The following HPGDS variants were observed in gnomAD, a reference collection of about 807,000 sequenced individuals.
HPGDS encodes GST class-sigma.
In HPGDS, 26 loss-of-function variants were observed where a neutral mutation model predicts 23.1. The observed-to-expected ratio is 1.13, with a 90% confidence interval of 0.83 to 1.56. The LOEUF is 1.56. HPGDS is among the 40% of genes most tolerant of loss of function. HPGDS has a pLI of 0.00. For missense variants in HPGDS, 268 were observed against 236.4 expected (o/e 1.13, Z -0.88); for synonymous variants, 95 against 77.9 (o/e 1.22, Z -1.16).
At chr4:94,320,660 T>C (rs1756487320) in intron 2 of HPGDS, among the ~76,000 whole-genome samples, 1 of 152,230 alleles carries the variant, frequency 6.6e-6, no homozygotes, top group Non-Finnish European at 1.5e-5. Context: ...TTCTGGATAT[T>C]AGCCATTTGT....
In HPGDS at chr4:94,298,879, C is replaced by T. The variant is rs1755977056; in HGVS notation, c.*601G>A. The stretch of plus-strand genomic sequence containing the variant: ...TTTTGTTCCTTTGCTGCACTTTCAT[C>T]TTTGTTGGGGAGTTCCCTCTTTTGA... On this transcript the variant is annotated 3_prime_UTR_variant, in exon 6 of 6. Transcript: ENST00000295256. 6.6e-6 allele frequency: 1 copy of T among 152,134 alleles called. No individual in the cohort carries two copies. Among genetic ancestry groups the T allele is most frequent in the African/African-American group, 2.4e-5 (1 of 41,438 alleles). 9.4% of individuals were successfully genotyped at this position (152,134 alleles called of 1,614,324 possible).
chr4:94,321,325 T>C (rs1756504689), intron 2 of HPGDS, among the ~76,000 whole-genome samples: 1 of 152,228 alleles, frequency 6.6e-6, no homozygotes, highest in Non-Finnish European at 1.5e-5. Context: ...TGGCTGGGGA[T>C]GGCATTGAAT....
chr4:94,335,873 GA>G (rs1720998055), intron 1 of HPGDS, among the ~76,000 whole-genome samples: 1 of 152,030 alleles, frequency 6.6e-6, no homozygotes, highest in African/African-American at 2.4e-5. Flanking sequence ...AGATAAAAGG[GA>G]AAGTTGGGCT....
intron 4 of HPGDS, among the ~76,000 whole-genome samples, chr4:94,307,923 G>T (rs1756169106): frequency 6.6e-6 from 1 of 152,152 alleles, no homozygotes; most frequent in African/African-American, 2.4e-5. Flanking sequence ...AATATTGGGA[G>T]CTTGGTGAAA....
chr4:94,300,053 C>T (rs1756003795), intron 5 of HPGDS, among the ~76,000 whole-genome samples: 1 of 152,146 alleles, frequency 6.6e-6, no homozygotes, highest in Admixed American at 6.5e-5. Flanking sequence ...ATTTGATCTG[C>T]TTATGTCCAT....
At chr4:94,322,148 T>C (rs141950501) in intron 2 of HPGDS, among the ~76,000 whole-genome samples, 3,779 of 152,250 alleles carry the variant, frequency 0.025, 106 homozygotes, top group African/African-American at 0.075. Context: ...TTTTGATGTG[T>C]TGCTGGATTC....
chr4:94,341,265 T>C (rs960742588), intron 1 of HPGDS, among the ~76,000 whole-genome samples: 2 of 152,184 alleles, frequency 1.3e-5, no homozygotes, highest in African/African-American at 4.8e-5. Context: ...AACATAATCA[T>C]TGAAAAAATT....
chr4:94,315,400 C>T (rs1756376220), intron 3 of HPGDS, among the ~76,000 whole-genome samples: 1 of 152,126 alleles, frequency 6.6e-6, no homozygotes, highest in South Asian at 2.1e-4. Context: ...TATTTTGTAT[C>T]AAGAATTATT....
At chr4:94,310,098 G>A (rs924847574) in intron 3 of HPGDS, among the ~76,000 whole-genome samples, 13 of 152,118 alleles carry the variant, frequency 8.5e-5, no homozygotes, top group African/African-American at 3.1e-4. Context: ...CACTCTGATG[G>A]TAGTTTCTTT....
At chr4:94,318,208 G>A (rs932078637) in intron 2 of HPGDS, among the ~76,000 whole-genome samples, 3 of 152,102 alleles carry the variant, frequency 2.0e-5, no homozygotes, top group African/African-American at 7.2e-5. Flanking sequence ...CAGGTTTATA[G>A]TGACACCATA....
chr4:94,313,651 G>A lies in HPGDS; in HGVS notation c.226+4222C>T, dbSNP rs372434313. On this transcript the variant is annotated intron_variant, in intron 3 of 5. Coordinates refer to ENST00000295256, the MANE Select transcript of HPGDS (RefSeq NM_014485.3). Reference sequence around the variant, plus strand: ...TCTTCTCGAGGAGTATCTTTGTGGCGTTCTCTGTATTTCCTGAATTTGAAT... The same window carrying A: ...TCTTCTCGAGGAGTATCTTTGTGGCATTCTCTGTATTTCCTGAATTTGAAT... 3.2e-3 allele frequency among the ~76,000 whole-genome samples: 477 copies of A among 151,414 alleles called. 4 individuals are homozygous for A. Among genetic ancestry groups the A allele is most frequent in the African/African-American group, 0.011 (438 of 41,150 alleles).
intron 5 of HPGDS, 107 bp from the exon 6 acceptor site, chr4:94,299,751 G>A (rs532741447): frequency 3.9e-6 from 4 of 1,037,802 alleles, no homozygotes; most frequent in African/African-American, 1.6e-5. Flanking sequence ...AAACAATCTT[G>A]TTATTACAAA....
rs566724909 is a variant in HPGDS at position 94,317,576 on chromosome 4, A to G, written c.226+297T>C. On this transcript the variant is annotated intron_variant, in intron 3 of 5. Coordinates refer to ENST00000295256, the MANE Select transcript of HPGDS (RefSeq NM_014485.3). Reference sequence around the variant, plus strand: ...TAACTTACCATATGCAAACTAGCCAAAGTTTGGAATGAAACATCCCTGTCC... The same window carrying G: ...TAACTTACCATATGCAAACTAGCCAGAGTTTGGAATGAAACATCCCTGTCC... 2.6e-5 allele frequency among the ~76,000 whole-genome samples: 4 copies of G among 152,292 alleles called. 1 individual carries two copies. In the South Asian group the frequency reaches 8.3e-4, roughly 32 times the overall value.
At chr4:94,313,980 C>A (rs1212988027) in intron 3 of HPGDS, among the ~76,000 whole-genome samples, 2 of 152,206 alleles carry the variant, frequency 1.3e-5, no homozygotes, top group Admixed American at 6.5e-5. Flanking sequence ...CCATGGTTTT[C>A]AGCTCCATCA....
Position 94,317,943 on chromosome 4 carries a change from G to T in HPGDS, c.156C>A (p.Pro52=). Residue 52 remains proline, a synonymous_variant, in exon 3 of 6, where the codon CCC becomes CCA. Coordinates refer to ENST00000295256, the MANE Select transcript of HPGDS (RefSeq NM_014485.3). ...GAGTAAGTCCATCAACTTCCAAAAT[G>T]GGGATTTTTCCAAATGGGAGAGCTT... ...IKSTLPFGKI[P]ILEVDGLTLH... is the part of the protein sequence containing the mutation. 1.2e-6 allele frequency: 2 copies of T among 1,610,454 alleles called. No individual in the cohort carries two copies. The highest frequency in any genetic ancestry group is 8.5e-7 in the Non-Finnish European group (1 of 1,177,952).
intron 2 of HPGDS, among the ~76,000 whole-genome samples, chr4:94,318,722 A>T (rs982961812): frequency 2.6e-5 from 4 of 151,956 alleles, no homozygotes; most frequent in Non-Finnish European, 2.9e-5. Context: ...GATTAAAAAA[A>T]TTTTTTTTGA....
At chr4:94,334,686 G>C in intron 1 of HPGDS, 48 bp from the exon 2 acceptor site, 1 of 1,510,190 alleles carries the variant, frequency 6.6e-7, no homozygotes, top group East Asian at 2.3e-5. Flanking sequence ...CTCTAGAGAT[G>C]CCTCAATATT....
At chr4:94,319,114 C>T (rs1241913239) in intron 2 of HPGDS, among the ~76,000 whole-genome samples, 2 of 152,100 alleles carry the variant, frequency 1.3e-5, no homozygotes, top group Non-Finnish European at 2.9e-5. Context: ...ATTATCTGTC[C>T]AGTGCTGACA....
chr4:94,315,310 C>T (rs547952966), intron 3 of HPGDS, among the ~76,000 whole-genome samples: 8 of 152,274 alleles, frequency 5.3e-5, no homozygotes, highest in Middle Eastern at 3.4e-3. Flanking sequence ...TTTAACTAGC[C>T]TCAACTGATT....
Sources: allele counts gnomAD v4.1 joint callset (sites outside exome capture counted in the v4.1 genomes callset), GRCh38; gene constraint gnomAD v4.1.1; transcripts MANE v1.5; gene names NCBI Gene and HGNC (gene_info 2026-07-23, HGNC 2026-07-21).